Variants in PRDM16 observed in about 807,000 individuals in gnomAD.
The protein encoded by PRDM16 is PR/SET domain 16.
PRDM16 carries 23 observed loss-of-function variants against 110.6 expected under a neutral mutation model. The observed-to-expected ratio is 0.21, with a 90% CI of 0.15 to 0.29. The LOEUF (loss-of-function observed/expected upper bound fraction) is 0.29. Ranked by LOEUF, PRDM16 falls within the 10% of genes least tolerant of loss-of-function variation. The probability of loss-of-function intolerance (pLI) is 1.00; values close to 1 mark genes in which losing one functional copy is unlikely to be tolerated. For missense variants in PRDM16, 1,615 were observed against 1,794.3 expected, an observed-to-expected ratio of 0.90 and a Z score of 1.81; for synonymous variants, 799 against 781.8, an observed-to-expected ratio of 1.02 and a Z score of -0.37.
intron 4 of PRDM16, among the ~76,000 whole-genome samples, chr1:3,391,495 AATTTAACTGTG>A (rs1643299872): frequency 6.6e-6 from 1 of 152,234 alleles, no homozygotes; most frequent in African/African-American, 2.4e-5. Flanking sequence ...TGATCAAGGT[AATTTAACTGTG>A]GACTCGTCAT....
chr1:3,414,525 C>T lies in PRDM16; in HGVS notation c.2604-35C>T, dbSNP rs747869231. Reference sequence around the variant, plus strand: ...GGGTGGCTCGGCGGGGCGGGCGGCTCGGTGGGGTACGTAACCCTCTGTGCT... The same window carrying T: ...GGGTGGCTCGGCGGGGCGGGCGGCTTGGTGGGGTACGTAACCCTCTGTGCT... On this transcript the variant is annotated intron_variant, in intron 9 of 16. Coordinates refer to ENST00000270722, the MANE Select transcript of PRDM16 (RefSeq NM_022114.4). The T allele has an allele frequency of 1.9e-5, 29 of 1,545,984 alleles. No homozygotes were observed. In the Admixed American group the frequency reaches 2.1e-4, roughly 11 times the overall value.
chr1:3,286,961 C>T (rs1640859090), intron 3 of PRDM16, among the ~76,000 whole-genome samples: 2 of 150,832 alleles, frequency 1.3e-5, no homozygotes, highest in Middle Eastern at 3.4e-3. Context: ...GGTGCTGGGA[C>T]TCAAAGCTGG....
intron 3 of PRDM16, among the ~76,000 whole-genome samples, chr1:3,379,140 C>T (rs1456204859): frequency 1.3e-5 from 1 of 75,274 alleles, no homozygotes; most frequent in South Asian, 9.4e-4. Flanking sequence ...CAACACACCC[C>T]TCCCAGCACA....
chr1:3,181,692 GGTCTTACACACGGTCTTACACA>G (rs1644199142), intron 1 of PRDM16, among the ~76,000 whole-genome samples: 14 of 91,144 alleles, frequency 1.5e-4, no homozygotes, highest in South Asian at 8.0e-4. Context: ...TCTTACACAC[GGTCTTACACACGGTCTTACACA>G]CGCAGTCTTA....
intron 1 of PRDM16, among the ~76,000 whole-genome samples, chr1:3,082,895 C>T (rs774887218): frequency 3.3e-5 from 5 of 152,158 alleles, no homozygotes; most frequent in Non-Finnish European, 4.4e-5. Context: ...GTGGCCGCTG[C>T]CTTCGCTTTC....
rs1638499513 is a variant in PRDM16, at chr1:3,197,149, T to G, written c.387+10675T>G. 2.0e-5 allele frequency among the ~76,000 whole-genome samples: 3 copies of G among 152,246 alleles called. No individual in the cohort carries two copies. The South Asian group carries it at 6.2e-4, about 32-fold the overall frequency. On this transcript the variant is annotated intron_variant, in intron 2 of 16. Coordinates refer to ENST00000270722, the MANE Select transcript of PRDM16 (RefSeq NM_022114.4). Reference sequence around the variant, plus strand: ...GCCCCTTGTCATACCTGAGTCCCCCTTGGGACATCACCATCTCCTCCCCCT... The same window carrying G: ...GCCCCTTGTCATACCTGAGTCCCCCGTGGGACATCACCATCTCCTCCCCCT...
At chr1:3,377,876 G>C (rs953095881) in intron 3 of PRDM16, among the ~76,000 whole-genome samples, 1 of 152,208 alleles carries the variant, frequency 6.6e-6, no homozygotes, top group Non-Finnish European at 1.5e-5. Flanking sequence ...GCATCTGTTC[G>C]TTCGTCTACC....
Position 3,436,986 on chromosome 1 carries a change from C to G in PRDM16, c.*3175C>G, listed in dbSNP as rs1407238461. 4.3e-6 allele frequency: 1 copy of G among 233,290 alleles called. No individual in the cohort carries two copies. The highest frequency in any genetic ancestry group is 8.5e-6 in the Non-Finnish European group (1 of 118,060). The allele number at this position is 233,290 out of a possible 1,614,324, so 14.5% of individuals were successfully genotyped here. On this transcript the variant is annotated 3_prime_UTR_variant, in exon 17 of 17. Transcript: ENST00000270722. The stretch of plus-strand genomic sequence containing the variant: ...CCTCAGACCCCAGCCCCCAGCGAGC[C>G]GACGTCCCCACCCGTTCCTGCTCTC...
At chr1:3,398,778 A>G (rs537058291) in intron 5 of PRDM16, among the ~76,000 whole-genome samples, 253 of 152,380 alleles carry the variant, frequency 1.7e-3, no homozygotes, top group African/African-American at 5.9e-3. Context: ...CGTAGGTGAC[A>G]GGTGGATGCT....
At chr1:3,164,874 C>T (rs1643933115) in intron 1 of PRDM16, among the ~76,000 whole-genome samples, 1 of 152,170 alleles carries the variant, frequency 6.6e-6, no homozygotes, top group Admixed American at 6.5e-5. Flanking sequence ...TTGGGAGATG[C>T]AGGTGGGAAG....
At chr1:3,194,521 G>A (rs951838662) in intron 2 of PRDM16, among the ~76,000 whole-genome samples, 23 of 151,964 alleles carry the variant, frequency 1.5e-4, no homozygotes, top group African/African-American at 4.6e-4. Flanking sequence ...GAGGGAGGCT[G>A]GGGCAGGTCT....
chr1:3,244,008 G>A lies in PRDM16; in HGVS notation c.388-79G>A. ...TGTGACTTTTGGGGACAGTGGTTCT[G>A]CCCCCACCATTTAGAACCCAGTGTA... On this transcript the variant is annotated intron_variant, in intron 2 of 16. Transcript: ENST00000270722. The surrounding 1 kb of genome is among the most constrained non-coding windows in gnomAD (Gnocchi z 4.1). The A allele has an allele frequency of 6.9e-7, 1 of 1,445,528 alleles. No homozygotes were observed. The highest frequency in any genetic ancestry group is 9.7e-7 in the Non-Finnish European group (1 of 1,026,848). 89.5% of individuals were successfully genotyped at this position (1,445,528 alleles called of 1,614,324 possible). A position where few individuals can be genotyped will look rare whatever the true frequency, so the allele number is the denominator to read the frequency against.
intron 3 of PRDM16, among the ~76,000 whole-genome samples, chr1:3,319,931 G>GGGAC (rs1421683288): frequency 1.3e-5 from 2 of 152,190 alleles, no homozygotes; most frequent in African/African-American, 4.8e-5. Flanking sequence ...AGCCTCTGGG[G>GGGAC]CTCACAGCTG....
chr1:3,428,109 C>T (rs1035556917), intron 14 of PRDM16, among the ~76,000 whole-genome samples: 2 of 152,116 alleles, frequency 1.3e-5, no homozygotes, highest in Non-Finnish European at 2.9e-5. Flanking sequence ...GGAGCGTGTG[C>T]GGAGGCTGAA....
chr1:3,297,098 AG>A (rs1315788337), intron 3 of PRDM16, among the ~76,000 whole-genome samples: 3 of 152,150 alleles, frequency 2.0e-5, no homozygotes, highest in Admixed American at 6.5e-5. Flanking sequence ...CGCAGATCTC[AG>A]ACCTCGTGGG....
In PRDM16 at chr1:3,396,562, C is replaced by G; in HGVS notation, c.645C>G (p.Tyr215Ter). The G allele has an allele frequency of 6.2e-7, 1 of 1,602,918 alleles. No individual in the cohort carries two copies. Among genetic ancestry groups the G allele is most frequent in the Non-Finnish European group, 8.5e-7 (1 of 1,174,184 alleles). ...TGGTGCACGTGAAGGAAGGCGTCTA[C>G]CCCCTGGGCACAGTGCCGCCCGGCC... ...ELLVHVKEGVYPLGTVPPGLD... is the reference protein window; with the variant it reads ...ELLVHVKEGV The change falls in exon 5 of 17, where the codon TAC becomes TAG. Residue 215 changes from tyrosine to a stop codon, truncating the protein, a stop_gained. Transcript: ENST00000270722. LOFTEE classifies it high-confidence loss of function.
intron 1 of PRDM16, among the ~76,000 whole-genome samples, chr1:3,182,412 A>T (rs1292343258): frequency 1.3e-5 from 2 of 152,156 alleles, no homozygotes; most frequent in African/African-American, 2.4e-5. Flanking sequence ...GGTTTAGCAC[A>T]GTGGTCCTGA....
At chr1:3,338,389 C>T (rs1486888795) in intron 3 of PRDM16, among the ~76,000 whole-genome samples, 2 of 152,086 alleles carry the variant, frequency 1.3e-5, no homozygotes, top group African/African-American at 4.8e-5. Flanking sequence ...CACAAACACA[C>T]TGTCCAGGGA....
chr1:3,183,001 C>T (rs560235634), intron 1 of PRDM16, among the ~76,000 whole-genome samples: 11 of 152,316 alleles, frequency 7.2e-5, no homozygotes, highest in African/African-American at 2.6e-4. Flanking sequence ...ATGATGGCCT[C>T]AGTACCCTGG....
Sources: gnomAD v4.1 joint callset for allele counts (sites outside exome capture counted in the v4.1 genomes callset) on GRCh38, gnomAD v4.1.1 for gene constraint, Gnocchi (gnomAD v3.1) non-coding constraint, MANE v1.5 for transcripts, NCBI Gene and HGNC (gene_info 2026-07-23, HGNC 2026-07-21) for gene names.